The following SLC16A1 variants were observed in gnomAD, a reference collection of about 807,000 sequenced individuals.
The protein encoded by SLC16A1 is solute carrier family 16 member 1, also known as monocarboxylate transporter 1.
In SLC16A1, 11 loss-of-function variants were observed where a neutral mutation model predicts 32.2. The observed-to-expected ratio is 0.34, with a 90% CI of 0.21 to 0.56. The LOEUF is 0.56. Among genes scored for constraint, SLC16A1 ranks in the 20% least tolerant of loss-of-function variants. The pLI is 0.87. For synonymous variants in SLC16A1, 231 were observed against 226.8 expected, an observed-to-expected ratio of 1.02 and a Z score of -0.17; for missense variants, 435 against 615.0, an observed-to-expected ratio of 0.71 and a Z score of 3.10.
At chr1:112,944,669 C>T (rs567296149) in intron 1 of SLC16A1, among the ~76,000 whole-genome samples, 1 of 152,270 alleles carries the variant, frequency 6.6e-6, no homozygotes, top group Non-Finnish European at 1.5e-5. Context: ...GTATATGCTG[C>T]TTAATAGACA....
intron 1 of SLC16A1, among the ~76,000 whole-genome samples, chr1:112,949,099 G>A (rs1024116615): frequency 9.2e-5 from 14 of 151,964 alleles, no homozygotes; most frequent in African/African-American, 2.7e-4. Flanking sequence ...CTTGTGATCC[G>A]CCTGCCTCGC....
intron 1 of SLC16A1, among the ~76,000 whole-genome samples, chr1:112,936,611 T>C (rs1218494042): frequency 6.6e-6 from 1 of 152,124 alleles, no homozygotes; most frequent in African/African-American, 2.4e-5. Context: ...TCTCTAGGAC[T>C]ATGCATTCTG....
intron 1 of SLC16A1, among the ~76,000 whole-genome samples, chr1:112,944,782 T>G (rs1570643995): frequency 6.6e-6 from 1 of 152,248 alleles, no homozygotes; most frequent in Non-Finnish European, 1.5e-5. Flanking sequence ...AACCCCTGCA[T>G]CCCAGGTTCA....
At chr1:112,919,663 G>A (rs1209264320) in intron 3 of SLC16A1, among the ~76,000 whole-genome samples, 1 of 152,162 alleles carries the variant, frequency 6.6e-6, no homozygotes, top group African/African-American at 2.4e-5. Flanking sequence ...TTAATAGAGA[G>A]AAATTATTCA....
intron 1 of SLC16A1, among the ~76,000 whole-genome samples, chr1:112,943,176 G>A (rs1262221219): frequency 6.6e-6 from 1 of 152,128 alleles, no homozygotes; most frequent in Non-Finnish European, 1.5e-5. Flanking sequence ...TTTGGGATAA[G>A]TACCCACATC....
chr1:112,915,177 G>A (rs1352007355), intron 4 of SLC16A1, among the ~76,000 whole-genome samples: 4 of 152,176 alleles, frequency 2.6e-5, no homozygotes, highest in African/African-American at 9.7e-5. Context: ...ACAGTTCAGT[G>A]GACAAGAGAT....
In SLC16A1 at chr1:112,913,999, C is replaced by G. The variant is rs1648413983; in HGVS notation, c.1395G>C (p.Glu465Asp). 1 of 1,614,190 alleles carries G rather than the reference C, an allele frequency of 6.2e-7. No individual in the cohort carries two copies. The highest frequency in any genetic ancestry group is 2.2e-5 in the East Asian group (1 of 44,890). The part of the protein sequence containing the change: ...NEQKKESKEE[E>D]TSIDVAGKPN... ...GCTTCCCAGCAACATCTATACTGGT[C>G]TCTTCCTCTTTACTTTCCTTTTTCT... The change falls in exon 5 of 5, where the codon GAG becomes GAC. Residue 465 changes from glutamate (E) to aspartate (D), a missense_variant. Glu to Asp is a conservative substitution (Grantham distance 45, BLOSUM62 2). Transcript: ENST00000369626.
chr1:112,943,787 CAAAA>C (rs60946516), intron 1 of SLC16A1, among the ~76,000 whole-genome samples: 1 of 49,492 alleles, frequency 2.0e-5, no homozygotes, highest in Non-Finnish European at 5.3e-5. Flanking sequence ...GACTCCATCT[CAAAA>C]AAAAAAAAAA....
In SLC16A1 at chr1:112,917,665, T is replaced by C. The variant is rs372313400; in HGVS notation, c.741A>G (p.Gln247=). 15 of 1,614,244 alleles carry C rather than the reference T, an allele frequency of 9.3e-6. No individual in the cohort carries two copies. The highest frequency in any genetic ancestry group is 2.2e-5 in the South Asian group (2 of 91,088). ...TTAAGTCCAGGAACTGATTAATTGT[T>C]TGGAAGACTGATCGTTTCTCTTGTT... is the stretch of plus-strand genomic sequence containing the variant. ...HPKQEKRSVF[Q]TINQFLDLTL... The change falls in exon 4 of 5, where the codon CAA becomes CAG. Residue 247 remains glutamine, a synonymous_variant. Transcript: ENST00000369626. The surrounding 1 kb of genome is among the most constrained non-coding windows in gnomAD (Gnocchi z 4.1).
chr1:112,936,243 C>T (rs935845641), intron 1 of SLC16A1, among the ~76,000 whole-genome samples: 4 of 151,848 alleles, frequency 2.6e-5, no homozygotes, highest in Admixed American at 2.6e-4. Context: ...GGCAGTGGCT[C>T]ATGCCTGTAA....
chr1:112,924,533 C>A (rs761715554), intron 2 of SLC16A1, among the ~76,000 whole-genome samples: 1 of 151,792 alleles, frequency 6.6e-6, no homozygotes, highest in Non-Finnish European at 1.5e-5. Flanking sequence ...GTTTGCATTG[C>A]TATAAAAGAA....
rs141805828 is a variant in SLC16A1 at position 112,932,635 on chromosome 1, C to T, written c.-44-3283G>A. ...TGGCCAACATGGTGAAACCCCGTCTCTACTAAAGATACAAAAAATTAGCCA... is the reference window on the plus strand; with the variant it reads ...TGGCCAACATGGTGAAACCCCGTCTTTACTAAAGATACAAAAAATTAGCCA... On this transcript the variant is annotated intron_variant, in intron 1 of 4. Transcript: ENST00000369626. Among the ~76,000 whole-genome samples, 22 of 151,850 alleles carry T rather than the reference C, an allele frequency of 1.4e-4. No homozygotes were observed. In the East Asian group the frequency reaches 3.5e-3, roughly 24 times the overall value.
intron 1 of SLC16A1, among the ~76,000 whole-genome samples, chr1:112,948,850 A>C (rs978080257): frequency 4.2e-5 from 6 of 142,264 alleles, no homozygotes; most frequent in African/African-American, 1.6e-4. Context: ...TATTTTTTTG[A>C]GACAGAGTCT....
At chr1:112,949,869 T>G (rs1445419010) in intron 1 of SLC16A1, among the ~76,000 whole-genome samples, 2 of 152,086 alleles carry the variant, frequency 1.3e-5, no homozygotes, top group African/African-American at 4.8e-5. Flanking sequence ...TAAAATAAAA[T>G]GCAAAGATAG....
rs1649081193 is a variant in SLC16A1, at chr1:112,930,177, C to G, written c.-44-825G>C. 2.0e-5 allele frequency among the ~76,000 whole-genome samples: 3 copies of G among 152,320 alleles called. No homozygotes were observed. The South Asian group carries it at 6.2e-4, about 32-fold the overall frequency. On this transcript the variant is annotated intron_variant, in intron 1 of 4. Coordinates refer to ENST00000369626, the MANE Select transcript of SLC16A1 (RefSeq NM_003051.4). ...CACAAGTACAGGTGACAAGCTACTA[C>G]TTATGTATGATTGGCATGTGAAGTA...
intron 1 of SLC16A1, among the ~76,000 whole-genome samples, chr1:112,954,640 C>G (rs1158508380): frequency 2.6e-5 from 4 of 152,156 alleles, no homozygotes; most frequent in Non-Finnish European, 5.9e-5. Context: ...ACCTTCAAAT[C>G]TATTCAGCTA....
At chr1:112,940,286 G>A (rs1186445840) in intron 1 of SLC16A1, among the ~76,000 whole-genome samples, 1 of 151,886 alleles carries the variant, frequency 6.6e-6, no homozygotes, top group East Asian at 1.9e-4. Flanking sequence ...CAAGTGATCC[G>A]CCGGCCTCCG....
At chr1:112,937,551 T>G (rs1272364916) in intron 1 of SLC16A1, among the ~76,000 whole-genome samples, 2 of 151,880 alleles carry the variant, frequency 1.3e-5, no homozygotes, top group African/African-American at 4.8e-5. Context: ...AAAAAGTCAG[T>G]TAATATTATC....
At chr1:112,924,225 G>A in intron 2 of SLC16A1, 2 of 1,515,676 alleles carry the variant, frequency 1.3e-6, no homozygotes, top group Non-Finnish European at 1.8e-6. Context: ...GTCCAGCTTG[G>A]AGCAGTTGGA....
Sources: gnomAD v4.1 joint callset for allele counts (sites outside exome capture counted in the v4.1 genomes callset) on GRCh38, gnomAD v4.1.1 for gene constraint, Gnocchi (gnomAD v3.1) non-coding constraint, MANE v1.5 for transcripts, NCBI Gene and HGNC (gene_info 2026-07-23, HGNC 2026-07-21) for gene names.